Variants in FBXW8 observed in about 807,000 individuals in gnomAD.
The protein encoded by FBXW8 is F-box and WD repeat domain containing 8, also known as F-box/WD repeat-containing protein 8.
A neutral mutation model predicts 65.3 loss-of-function variants in FBXW8; 57 were observed. That is an observed-to-expected ratio of 0.87 (90% confidence interval 0.71 to 1.09). The LOEUF (loss-of-function observed/expected upper bound fraction) is 1.09. Ranked by LOEUF, FBXW8 falls within the 50% of genes least tolerant of loss-of-function variation. FBXW8 has a pLI of 0.00. For synonymous variants in FBXW8, 308 were observed against 330.2 expected (o/e 0.93, Z 0.73); for missense variants, 777 against 814.8 (o/e 0.95, Z 0.57).
At chr12:116,977,498 G>A (rs930504387) in intron 5 of FBXW8, 5 of 152,102 alleles carry the variant, frequency 3.3e-5, no homozygotes, top group Admixed American at 2.0e-4. Flanking sequence ...GGAACGAATA[G>A]CATGATGCAC....
At chr12:117,005,142 G>C (rs1953644931) in intron 7 of FBXW8, among the ~76,000 whole-genome samples, 1 of 152,188 alleles carries the variant, frequency 6.6e-6, no homozygotes, top group Non-Finnish European at 1.5e-5. Flanking sequence ...CTTCTGTTTT[G>C]GGTAGGATGG....
At chr12:116,931,472 G>C (rs1881767039) in intron 2 of FBXW8, among the ~76,000 whole-genome samples, 1 of 152,022 alleles carries the variant, frequency 6.6e-6, no homozygotes, top group African/African-American at 2.4e-5. Context: ...GAGTAGTATG[G>C]ACATTTTGAT....
In FBXW8 at chr12:117,011,148, G is replaced by A. The variant is rs1406101266; in HGVS notation, c.1367+698G>A. Among the ~76,000 whole-genome samples the A allele has an allele frequency of 5.9e-3, 316 of 53,130 alleles. 1 individual carries two copies. The African/African-American group carries it at 0.073, about 12-fold the overall frequency. The allele number at this position is 53,130 out of a possible 152,430, so 34.9% of individuals were successfully genotyped here. ...TTTCCTTTTTTTTTTTTTTTGGCCA[G>A]TTATCTGCTGTGTCTGATCCAGTGC... On this transcript the variant is annotated intron_variant, in intron 8 of 10. Coordinates refer to ENST00000652555, the MANE Select transcript of FBXW8 (RefSeq NM_153348.3).
At chr12:116,923,059 A>C (rs1881028226) in intron 1 of FBXW8, among the ~76,000 whole-genome samples, 1 of 152,176 alleles carries the variant, frequency 6.6e-6, no homozygotes, top group Non-Finnish European at 1.5e-5. Context: ...TACAAAAATT[A>C]GCTAGATGTG....
intron 1 of FBXW8, among the ~76,000 whole-genome samples, chr12:116,915,736 C>T (rs1880357299): frequency 6.8e-6 from 1 of 147,118 alleles, no homozygotes; most frequent in African/African-American, 2.5e-5. Context: ...CACTGCAACC[C>T]TGACTTCCCG....
intron 4 of FBXW8, among the ~76,000 whole-genome samples, chr12:116,955,218 T>G (rs1183663506): frequency 6.6e-6 from 1 of 152,226 alleles, no homozygotes; most frequent in Non-Finnish European, 1.5e-5. Context: ...TGTCTTTCTC[T>G]GCTGTCACTT....
In FBXW8 at chr12:116,911,365, C is replaced by G; in HGVS notation, c.318+10C>G. ...GCTCATCCGCGACCTGGTGAGTGGC[C>G]GTCGCCTCCCCCCCGCCCATGCCTG... On this transcript the variant is annotated intron_variant, in intron 1 of 10. Coordinates refer to ENST00000652555, the MANE Select transcript of FBXW8 (RefSeq NM_153348.3). 1 of 1,271,412 alleles carries G rather than the reference C, an allele frequency of 7.9e-7. No homozygotes were observed. Among genetic ancestry groups the G allele is most frequent in the South Asian group, 2.9e-5 (1 of 34,706 alleles). The allele number at this position is 1,271,412 out of a possible 1,614,324, so 78.8% of individuals were successfully genotyped here. A position where few individuals can be genotyped will look rare whatever the true frequency, so the allele number is the denominator to read the frequency against.
At position 116,911,329 on chromosome 12, in the gene FBXW8, C is replaced by T; in HGVS notation, c.292C>T (p.Leu98=). ...CGAGGGCGCCGGGGGCGGGGAGCAG[C>T]TGGTGGACCAGCTCATCCGCGACCT... ...AREGAGGGEQ[L]VDQLIRDLNE... The change falls in exon 1 of 11, where the codon CTG becomes TTG. Residue 98 remains leucine, a synonymous_variant. Coordinates refer to ENST00000652555, the MANE Select transcript of FBXW8 (RefSeq NM_153348.3). The T allele has an allele frequency of 1.6e-6, 2 of 1,283,854 alleles. No homozygotes were observed. The highest frequency in any genetic ancestry group is 2.0e-6 in the Non-Finnish European group (2 of 1,019,338). The allele number at this position is 1,283,854 out of a possible 1,614,324, so 79.5% of individuals were successfully genotyped here.
chr12:116,980,886 C>G (rs1375499270), intron 5 of FBXW8, among the ~76,000 whole-genome samples: 1 of 152,142 alleles, frequency 6.6e-6, no homozygotes, highest in East Asian at 1.9e-4. Context: ...TTGTTTCTCT[C>G]CAGTGTGTGT....
chr12:116,920,397 A>T (rs1880799240), intron 1 of FBXW8, among the ~76,000 whole-genome samples: 1 of 152,244 alleles, frequency 6.6e-6, no homozygotes, highest in Admixed American at 6.5e-5. Context: ...GGCACTGAGA[A>T]TATAGCATTG....
intron 6 of FBXW8, chr12:116,986,235 T>C (rs1193920320): frequency 1.3e-5 from 2 of 152,208 alleles, no homozygotes; most frequent in East Asian, 1.9e-4. Flanking sequence ...TAGAAAGCCA[T>C]GGCATCACTG....
intron 6 of FBXW8, among the ~76,000 whole-genome samples, chr12:116,988,386 G>A (rs986315495): frequency 2.4e-4 from 36 of 152,140 alleles, no homozygotes; most frequent in African/African-American, 8.7e-4. Context: ...GGTGTTATCA[G>A]ATTTCTTGAT....
intron 1 of FBXW8, among the ~76,000 whole-genome samples, chr12:116,922,264 A>G (rs1880970962): frequency 6.6e-6 from 1 of 152,046 alleles, no homozygotes; most frequent in African/African-American, 2.4e-5. Flanking sequence ...TTTCTTCTCA[A>G]AGAAGACACA....
intron 1 of FBXW8, among the ~76,000 whole-genome samples, chr12:116,924,243 GC>G (rs1881145977): frequency 6.6e-6 from 1 of 151,830 alleles, no homozygotes; most frequent in South Asian, 2.1e-4. Context: ...TTTTTGGATG[GC>G]TATGTGCTTC....
At chr12:116,969,035 C>T (rs1884492156) in intron 5 of FBXW8, among the ~76,000 whole-genome samples, 2 of 152,070 alleles carry the variant, frequency 1.3e-5, no homozygotes, top group Non-Finnish European at 2.9e-5. Context: ...ATGAAATTCA[C>T]TTTGTATCTG....
intron 7 of FBXW8, among the ~76,000 whole-genome samples, chr12:116,992,500 A>G (rs1953267461): frequency 6.6e-6 from 1 of 150,986 alleles, no homozygotes; most frequent in Admixed American, 6.6e-5. Context: ...GATGAACTGT[A>G]TAGTGGGGAA....
intron 7 of FBXW8, among the ~76,000 whole-genome samples, chr12:117,008,373 G>A (rs1388955293): frequency 6.6e-6 from 1 of 152,186 alleles, no homozygotes; most frequent in Non-Finnish European, 1.5e-5. Context: ...GATGATAAGA[G>A]ATTTGGTTAT....
intron 1 of FBXW8, among the ~76,000 whole-genome samples, chr12:116,921,882 TGCA>T (rs1392415230): frequency 2.8e-5 from 4 of 143,458 alleles, no homozygotes; most frequent in Non-Finnish European, 6.0e-5. Flanking sequence ...TAGGCTGGAG[TGCA>T]GTGGTGTGAT....
chr12:117,006,078 C>T (rs1016922062), intron 7 of FBXW8, among the ~76,000 whole-genome samples: 2 of 152,202 alleles, frequency 1.3e-5, no homozygotes, highest in African/African-American at 4.8e-5. Context: ...CCTGGGCTCT[C>T]TGGACAGACA....
Sources: allele counts gnomAD v4.1 joint callset (sites outside exome capture counted in the v4.1 genomes callset), GRCh38; gene constraint gnomAD v4.1.1; transcripts MANE v1.5; gene names NCBI Gene and HGNC (gene_info 2026-07-23, HGNC 2026-07-21).